The following CACNA2D3 variants were observed in gnomAD, a reference collection of about 807,000 sequenced individuals.
CACNA2D3 encodes the protein voltage-dependent calcium channel subunit alpha-2/delta-3.
Under a neutral mutation model 160.6 loss-of-function variants are expected in CACNA2D3, and 60 were observed. The ratio of observed to expected loss-of-function variants is 0.37; its 90% CI spans 0.30 to 0.46. The LOEUF (loss-of-function observed/expected upper bound fraction) is 0.46, where lower values mean the gene tolerates loss of function less well. Ranked by LOEUF, CACNA2D3 falls within the 20% of genes least tolerant of loss-of-function variation. CACNA2D3 has a pLI of 1.00. For synonymous variants in CACNA2D3, 558 were observed against 492.9 expected (o/e 1.13, Z -1.75); for missense variants, 1,205 against 1,365.0 (o/e 0.88, Z 1.85).
intron 35 of CACNA2D3, among the ~76,000 whole-genome samples, chr3:55,042,826 C>G (rs1703984593): frequency 6.6e-6 from 1 of 152,106 alleles, no homozygotes; most frequent in South Asian, 2.1e-4. Flanking sequence ...TCATCGGAAA[C>G]CATGATATTT....
At chr3:54,288,182 T>C (rs1397218493) in intron 2 of CACNA2D3, among the ~76,000 whole-genome samples, 3 of 151,958 alleles carry the variant, frequency 2.0e-5, no homozygotes, top group Non-Finnish European at 4.4e-5. Context: ...CTAGCAAGAC[T>C]AATAAAGAAG....
At chr3:54,809,753 C>T (rs1057128595) in intron 13 of CACNA2D3, among the ~76,000 whole-genome samples, 1 of 151,462 alleles carries the variant, frequency 6.6e-6, no homozygotes, top group Non-Finnish European at 1.5e-5. Flanking sequence ...CTCCCTCCCT[C>T]CCTGATCTTT....
chr3:54,383,966 A>G (rs1699147247), intron 3 of CACNA2D3, among the ~76,000 whole-genome samples: 1 of 152,188 alleles, frequency 6.6e-6, no homozygotes. Context: ...TACAGTATAC[A>G]TATATATACA....
At chr3:54,631,044 A>G (rs1699226531) in intron 10 of CACNA2D3, among the ~76,000 whole-genome samples, 1 of 152,154 alleles carries the variant, frequency 6.6e-6, no homozygotes, top group Non-Finnish European at 1.5e-5. Context: ...TCTACTAAAA[A>G]TACAGAAAAA....
At chr3:54,418,827 G>A (rs191993478) in intron 4 of CACNA2D3, among the ~76,000 whole-genome samples, 13 of 152,292 alleles carry the variant, frequency 8.5e-5, no homozygotes, top group Admixed American at 6.5e-4. Context: ...CCAGTTTGGG[G>A]TAACCTTTAT....
intron 4 of CACNA2D3, among the ~76,000 whole-genome samples, chr3:54,470,128 G>T (rs1170819938): frequency 6.6e-6 from 1 of 152,110 alleles, no homozygotes; most frequent in African/African-American, 2.4e-5. Flanking sequence ...ACACACAAAT[G>T]TCAAATTCAC....
intron 13 of CACNA2D3, among the ~76,000 whole-genome samples, chr3:54,812,263 A>G (rs544159022): frequency 6.6e-6 from 1 of 152,324 alleles, no homozygotes; most frequent in African/African-American, 2.4e-5. Context: ...CTTGGCTAAA[A>G]TTAGGGTTTC....
At chr3:54,290,729 A>G (rs1419833662) in intron 2 of CACNA2D3, among the ~76,000 whole-genome samples, 1 of 144,526 alleles carries the variant, frequency 6.9e-6, no homozygotes, top group African/African-American at 2.6e-5. Flanking sequence ...CTATGCAGCC[A>G]TAAAAAATGA....
At chr3:54,182,070 G>A (rs1012011335) in intron 2 of CACNA2D3, among the ~76,000 whole-genome samples, 2 of 152,140 alleles carry the variant, frequency 1.3e-5, no homozygotes, top group Non-Finnish European at 2.9e-5. Flanking sequence ...ATTTATCAAA[G>A]TTAGGTTTTA....
chr3:54,456,639 G>C (rs533271775), intron 4 of CACNA2D3, among the ~76,000 whole-genome samples: 1 of 151,968 alleles, frequency 6.6e-6, no homozygotes, highest in Admixed American at 6.6e-5. Flanking sequence ...GAGTTTGGAA[G>C]TGCTACCTCC....
chr3:54,933,662 T>A (rs761942334), intron 27 of CACNA2D3, among the ~76,000 whole-genome samples: 5 of 152,218 alleles, frequency 3.3e-5, no homozygotes, highest in Non-Finnish European at 7.3e-5. Flanking sequence ...TCACTAGACA[T>A]TAAGTTTCAA....
intron 13 of CACNA2D3, among the ~76,000 whole-genome samples, chr3:54,788,829 C>T (rs985646864): frequency 6.6e-6 from 1 of 152,128 alleles, no homozygotes; most frequent in African/African-American, 2.4e-5. Context: ...ATAATCATTG[C>T]AGTAATGACT....
At chr3:54,484,086 G>C (rs1700976016) in intron 4 of CACNA2D3, among the ~76,000 whole-genome samples, 1 of 152,164 alleles carries the variant, frequency 6.6e-6, no homozygotes, top group African/African-American at 2.4e-5. Flanking sequence ...AGATGGGTAG[G>C]AGGGTTTGAG....
chr3:54,399,531 C>CT (rs1699408545), intron 4 of CACNA2D3, among the ~76,000 whole-genome samples: 1 of 17,860 alleles, frequency 5.6e-5, no homozygotes, highest in Non-Finnish European at 1.2e-4. Context: ...AGTTTTCCTT[C>CT]TAACAGACAG....
chr3:54,884,052 C>T (rs1699870672), intron 21 of CACNA2D3, among the ~76,000 whole-genome samples: 1 of 151,944 alleles, frequency 6.6e-6, no homozygotes, highest in South Asian at 2.1e-4. Flanking sequence ...TGGCATATAG[C>T]AGATGCTCAG....
intron 4 of CACNA2D3, among the ~76,000 whole-genome samples, chr3:54,414,179 CATT>C (rs1559474955): frequency 6.6e-6 from 1 of 152,090 alleles, no homozygotes; most frequent in Admixed American, 6.5e-5. Context: ...TGCATTCTAA[CATT>C]ATATCAGCAG....
intron 3 of CACNA2D3, among the ~76,000 whole-genome samples, chr3:54,339,836 T>C (rs990647375): frequency 1.3e-5 from 2 of 152,224 alleles, no homozygotes; most frequent in African/African-American, 4.8e-5. Flanking sequence ...TACCACTCAC[T>C]CCTGTTAATT....
chr3:54,898,092 T>G (rs1700233395), intron 26 of CACNA2D3, among the ~76,000 whole-genome samples: 1 of 151,820 alleles, frequency 6.6e-6, no homozygotes, highest in Non-Finnish European at 1.5e-5. Flanking sequence ...CTTGCTTTCT[T>G]CCTTCCTTCC....
intron 17 of CACNA2D3, among the ~76,000 whole-genome samples, chr3:54,862,790 T>C: frequency 6.6e-6 from 1 of 152,272 alleles, no homozygotes; most frequent in Middle Eastern, 3.4e-3. Context: ...TGGTTAGCCG[T>C]GGCATCTTTC....
Sources: allele counts gnomAD v4.1 joint callset (sites outside exome capture counted in the v4.1 genomes callset), GRCh38; gene constraint gnomAD v4.1.1; transcripts MANE v1.5; gene names NCBI Gene and HGNC (gene_info 2026-07-23, HGNC 2026-07-21).